Variants in KAZN observed in about 807,000 individuals in gnomAD.
The protein encoded by KAZN is kazrin.
A neutral mutation model predicts 87.4 loss-of-function variants in KAZN; 40 were observed. The ratio of observed to expected loss-of-function variants is 0.46; its 90% CI spans 0.36 to 0.60. The LOEUF (loss-of-function observed/expected upper bound fraction) is 0.60. Among genes scored for constraint, KAZN ranks in the 20% least tolerant of loss-of-function variants. The pLI is 0.00. For missense variants in KAZN, 898 were observed against 1,073.9 expected (o/e 0.84, Z 2.29); for synonymous variants, 466 against 458.3 (o/e 1.02, Z -0.22).
At chr1:14,240,614 C>T (rs891394817) in intron 2 of KAZN, among the ~76,000 whole-genome samples, 1 of 152,236 alleles carries the variant, frequency 6.6e-6, no homozygotes, top group Non-Finnish European at 1.5e-5. Context: ...ACTGCTGCTT[C>T]TGGGACCTGC....
In KAZN at chr1:14,654,287, C is replaced by CAAAAAAAA. The variant is rs140822403; in HGVS notation, c.226+55078_226+55085dup. Among the ~76,000 whole-genome samples, 745 of 80,250 alleles carry CAAAAAAAA rather than the reference C, an allele frequency of 9.3e-3. 20 individuals carry two copies. The highest frequency in any genetic ancestry group is 0.025 in the African/African-American group (565 of 22,806). 52.6% of individuals were successfully genotyped at this position (80,250 alleles called of 152,430 possible). A position where few individuals can be genotyped will look rare whatever the true frequency, so the allele number is the denominator to read the frequency against. On this transcript the variant is annotated intron_variant, in intron 1 of 14. Transcript: ENST00000376030. Reference sequence around the variant, plus strand: ...GGGCAACAAGAGTGAGGCTTCGTCTCAAAAAAAAAAAAAAAAAAAAATCTC... The same window carrying CAAAAAAAA: ...GGGCAACAAGAGTGAGGCTTCGTCTCAAAAAAAAAAAAAAAAAAAAAAAAAAAAATCTC...
At chr1:14,040,118 G>GT (rs563167475) in intron 1 of KAZN, among the ~76,000 whole-genome samples, 65 of 150,668 alleles carry the variant, frequency 4.3e-4, no homozygotes, top group African/African-American at 1.5e-3. Flanking sequence ...AGAGAGAGAG[G>GT]TTTTTTTTCT....
intron 2 of KAZN, among the ~76,000 whole-genome samples, chr1:14,368,765 A>C (rs1660219531): frequency 6.6e-6 from 1 of 152,212 alleles, no homozygotes; most frequent in Non-Finnish European, 1.5e-5. Flanking sequence ...CGATTTTTAT[A>C]GTGTCTAAAG....
At chr1:14,634,784 G>A (rs1482800035) in intron 1 of KAZN, among the ~76,000 whole-genome samples, 1 of 152,192 alleles carries the variant, frequency 6.6e-6, no homozygotes, top group Admixed American at 6.5e-5. Context: ...AGAATGCACA[G>A]TCCGTTTTTC....
chr1:14,555,374 C>T (rs758588287), intron 2 of KAZN, among the ~76,000 whole-genome samples: 1 of 152,196 alleles, frequency 6.6e-6, no homozygotes, highest in Non-Finnish European at 1.5e-5. Context: ...GCCATTGGCA[C>T]ATTTGTCCAG....
intron 1 of KAZN, among the ~76,000 whole-genome samples, chr1:14,855,980 C>T (rs1180018814): frequency 5.3e-5 from 8 of 152,138 alleles, no homozygotes; most frequent in Non-Finnish European, 1.2e-4. Flanking sequence ...CAATAAGCCA[C>T]CAAAATGATG....
intron 1 of KAZN, among the ~76,000 whole-genome samples, chr1:14,935,117 C>T (rs1020861439): frequency 7.9e-5 from 12 of 152,232 alleles, no homozygotes; most frequent in African/African-American, 2.4e-4. Context: ...GGCAAACCTG[C>T]ATCCCTGGTT....
At chr1:14,921,848 A>T (rs891973217) in intron 1 of KAZN, among the ~76,000 whole-genome samples, 1 of 152,132 alleles carries the variant, frequency 6.6e-6, no homozygotes, top group Admixed American at 6.5e-5. Flanking sequence ...AGTAGCTGGG[A>T]TTACAGGTGT....
At chr1:14,811,357 G>A (rs1265910693) in intron 1 of KAZN, among the ~76,000 whole-genome samples, 2 of 152,172 alleles carry the variant, frequency 1.3e-5, no homozygotes, top group Non-Finnish European at 2.9e-5. Flanking sequence ...GATGCTACAC[G>A]AATAAATCAT....
intron 2 of KAZN, among the ~76,000 whole-genome samples, chr1:15,022,796 T>G (rs1451116950): frequency 2.0e-5 from 3 of 152,246 alleles, no homozygotes; most frequent in Admixed American, 6.5e-5. Context: ...TCCCCGCTCA[T>G]GCACCTGTCT....
At chr1:14,879,386 A>G (rs978460321) in intron 1 of KAZN, among the ~76,000 whole-genome samples, 2 of 152,250 alleles carry the variant, frequency 1.3e-5, no homozygotes, top group African/African-American at 2.4e-5. Context: ...TACATATATG[A>G]TGATTGAGAA....
At chr1:14,311,037 T>A (rs61771855) in intron 2 of KAZN, among the ~76,000 whole-genome samples, 4 of 152,228 alleles carry the variant, frequency 2.6e-5, no homozygotes, top group African/African-American at 9.6e-5. Flanking sequence ...CTGTGAATCA[T>A]TCTGTCACTC....
chr1:14,950,814 G>A (rs374006894), intron 1 of KAZN, among the ~76,000 whole-genome samples: 1 of 152,102 alleles, frequency 6.6e-6, no homozygotes, highest in African/African-American at 2.4e-5. Context: ...GGAAATGGGG[G>A]TAACTCTCCA....
chr1:14,994,779 C>T (rs549059440), intron 2 of KAZN, among the ~76,000 whole-genome samples: 6 of 152,304 alleles, frequency 3.9e-5, no homozygotes, highest in Admixed American at 2.0e-4. Flanking sequence ...TCTGAGACTC[C>T]GTGTATTCAT....
At chr1:14,150,543 C>T (rs1321256945) in intron 1 of KAZN, among the ~76,000 whole-genome samples, 3 of 152,178 alleles carry the variant, frequency 2.0e-5, no homozygotes, top group African/African-American at 7.2e-5. Context: ...TGCTTTATCA[C>T]CTGACAAACA....
intron 2 of KAZN, among the ~76,000 whole-genome samples, chr1:14,507,924 G>T (rs1343325448): frequency 6.6e-6 from 1 of 151,466 alleles, no homozygotes; most frequent in Non-Finnish European, 1.5e-5. Flanking sequence ...TCGAGATCGC[G>T]CCACTGCTCT....
intron 2 of KAZN, among the ~76,000 whole-genome samples, chr1:14,459,951 A>G (rs571620735): frequency 6.6e-6 from 1 of 152,128 alleles, no homozygotes; most frequent in African/African-American, 2.4e-5. Context: ...CCCCCTGAGT[A>G]ATAAATACTT....
intron 1 of KAZN, among the ~76,000 whole-genome samples, chr1:13,978,097 C>T (rs1638455267): frequency 8.0e-6 from 1 of 125,224 alleles, no homozygotes; most frequent in Non-Finnish European, 1.5e-5. Context: ...CACTGCACTC[C>T]AGCCCGGGTG....
intron 1 of KAZN, among the ~76,000 whole-genome samples, chr1:14,719,320 T>C (rs527705762): frequency 6.6e-6 from 1 of 152,368 alleles, no homozygotes; most frequent in African/African-American, 2.4e-5. Flanking sequence ...ATGTTTGATG[T>C]TGGGGACATG....
Sources: gnomAD v4.1 joint callset for allele counts (sites outside exome capture counted in the v4.1 genomes callset) on GRCh38, gnomAD v4.1.1 for gene constraint, MANE v1.5 for transcripts, NCBI Gene and HGNC (gene_info 2026-07-23, HGNC 2026-07-21) for gene names.